The following MYT1 variants were observed in gnomAD, a reference collection of about 807,000 sequenced individuals.
MYT1 encodes the protein myelin transcription factor 1.
A neutral mutation model predicts 123.0 loss-of-function variants in MYT1; 23 were observed. The observed-to-expected ratio is 0.19, with a 90% CI of 0.13 to 0.26. The LOEUF (loss-of-function observed/expected upper bound fraction) is 0.26, where lower values mean the gene tolerates loss of function less well. Among genes scored for constraint, MYT1 ranks in the 10% least tolerant of loss-of-function variants. The pLI is 1.00. For missense variants in MYT1, 1,125 were observed against 1,472.5 expected, an observed-to-expected ratio of 0.76 and a Z score of 3.86; for synonymous variants, 518 against 575.3, an observed-to-expected ratio of 0.90 and a Z score of 1.43.
chr20:64,229,438 G>A (rs962803785), intron 18 of MYT1, among the ~76,000 whole-genome samples: 1 of 152,124 alleles, frequency 6.6e-6, no homozygotes, highest in Non-Finnish European at 1.5e-5. Flanking sequence ...GCTGTCAACT[G>A]AGCTTTAAAA....
At chr20:64,171,170 C>T (rs1982268518) in intron 1 of MYT1, among the ~76,000 whole-genome samples, 1 of 151,882 alleles carries the variant, frequency 6.6e-6, no homozygotes, top group Non-Finnish European at 1.5e-5. Flanking sequence ...CTGCCTGCCT[C>T]CGCCTCCCAA....
chr20:64,188,779 G>A (rs1016085858), intron 1 of MYT1, among the ~76,000 whole-genome samples: 1 of 152,196 alleles, frequency 6.6e-6, no homozygotes, highest in African/African-American at 2.4e-5. Flanking sequence ...TGGGTGATAG[G>A]GAAGCTCCCG....
chr20:64,171,895 C>A (rs1005502521), intron 1 of MYT1, among the ~76,000 whole-genome samples: 3 of 152,098 alleles, frequency 2.0e-5, no homozygotes, highest in African/African-American at 4.8e-5. Flanking sequence ...ACCCCCTACA[C>A]CTCTGGCATC....
At chr20:64,201,220 A>G (rs1345535971) in intron 4 of MYT1, among the ~76,000 whole-genome samples, 1 of 152,206 alleles carries the variant, frequency 6.6e-6, no homozygotes, top group Non-Finnish European at 1.5e-5. Context: ...GTAGCTTTGA[A>G]ACAGCAGAAG....
chr20:64,178,170 T>G (rs1430772821), intron 1 of MYT1, among the ~76,000 whole-genome samples: 1 of 152,224 alleles, frequency 6.6e-6, no homozygotes, highest in Non-Finnish European at 1.5e-5. Context: ...TTTTCAAAAA[T>G]ACATTTTGAA....
At chr20:64,223,027 A>C in intron 14 of MYT1, 84 bp from the exon 15 acceptor site, 2 of 1,506,896 alleles carry the variant, frequency 1.3e-6, no homozygotes, top group South Asian at 2.3e-5. Context: ...AGGAGTGGGC[A>C]CCAGTCTCCC....
rs1310198729 is a variant in MYT1 at position 64,166,879 on chromosome 20, G to A, written c.-99+2140G>A. On this transcript the variant is annotated intron_variant, in intron 1 of 22. Coordinates refer to ENST00000328439, the MANE Select transcript of MYT1 (RefSeq NM_004535.3). The surrounding 1 kb of genome is among the most constrained non-coding windows in gnomAD (Gnocchi z 4.9). ...GCAGAGGGTATGCGGCCACGGGGGTGCATGCTGGGCAGCTCTGGCAGCTGA... is the reference window on the plus strand; with the variant it reads ...GCAGAGGGTATGCGGCCACGGGGGTACATGCTGGGCAGCTCTGGCAGCTGA... Among the ~76,000 whole-genome samples the A allele has an allele frequency of 1.3e-5, 2 of 152,186 alleles. No individual in the cohort carries two copies. The highest frequency in any genetic ancestry group is 4.8e-5 in the African/African-American group (2 of 41,440).
At chr20:64,204,243 A>G (rs1983411688) in intron 4 of MYT1, among the ~76,000 whole-genome samples, 1 of 152,100 alleles carries the variant, frequency 6.6e-6, no homozygotes, top group African/African-American at 2.4e-5. Context: ...AAGTTTCCAG[A>G]GCTTCCTGCT....
chr20:64,166,034 C>G lies in MYT1; in HGVS notation c.-99+1295C>G, dbSNP rs1049745461. On this transcript the variant is annotated intron_variant, in intron 1 of 22. Coordinates refer to ENST00000328439, the MANE Select transcript of MYT1 (RefSeq NM_004535.3). This position sits in a 1 kb window ranked among gnomAD's most constrained non-coding sequence, Gnocchi z 4.9. ...CTGGGGAGTGGGGGTGCTGTATCCT[C>G]TACAGGGCTGACTGAGGGAGGCTCC... Among the ~76,000 whole-genome samples the G allele has an allele frequency of 6.6e-6, 1 of 152,156 alleles. No individual in the cohort carries two copies. Among genetic ancestry groups the G allele is most frequent in the Non-Finnish European group, 1.5e-5 (1 of 68,014 alleles).
chr20:64,228,045 ACTC>A (rs1472316835), intron 18 of MYT1, 74 bp downstream of exon 18: 1 of 1,404,346 alleles, frequency 7.1e-7, no homozygotes. Context: ...ATGTAAAAAA[ACTC>A]CTACTAGATT....
Position 64,185,258 on chromosome 20 carries a change from A to G in MYT1, c.-98-4805A>G, listed in dbSNP as rs1056106293. On this transcript the variant is annotated intron_variant, in intron 1 of 22. Coordinates refer to ENST00000328439, the MANE Select transcript of MYT1 (RefSeq NM_004535.3). The surrounding 1 kb of genome is among the most constrained non-coding windows in gnomAD (Gnocchi z 4.5). ...TTGACAGTGGGAAGGAGGTGGGTAT[A>G]AAGTCCAGATGGACAAGCTGGCTCA... 6.6e-6 allele frequency among the ~76,000 whole-genome samples: 1 copy of G among 152,204 alleles called. No homozygotes were observed. The highest frequency in any genetic ancestry group is 2.4e-5 in the African/African-American group (1 of 41,470).
chr20:64,228,410 CCA>C (rs1055988625), intron 18 of MYT1, among the ~76,000 whole-genome samples: 27 of 152,164 alleles, frequency 1.8e-4, no homozygotes, highest in Non-Finnish European at 4.4e-5. Context: ...GTCCATCCAC[CCA>C]CACACCTGTG....
rs1248469902 is a variant in MYT1, at chr20:64,184,253, C to T, written c.-98-5810C>T. 2.6e-5 allele frequency among the ~76,000 whole-genome samples: 4 copies of T among 152,094 alleles called. No homozygotes were observed. In the East Asian group the frequency reaches 7.7e-4, roughly 29 times the overall value. On this transcript the variant is annotated intron_variant, in intron 1 of 22. Transcript: ENST00000328439. ...TGAACCCAGAGTCGGAAAGATTTAC[C>T]GCGGTGTTTTCTAGGAGTTTTGGTT... is the stretch of plus-strand genomic sequence containing the variant.
At chr20:64,237,135 T>G (rs1396860110) in intron 20 of MYT1, 152 bp from the exon 21 acceptor site, 3 of 610,362 alleles carry the variant, frequency 4.9e-6, no homozygotes, top group Non-Finnish European at 5.8e-6. Context: ...ATGTGGGGTA[T>G]GAGCCCCAGA....
rs548307491 is a variant in MYT1 at position 64,212,159 on chromosome 20, C to T, written c.1517+21C>T. On this transcript the variant is annotated intron_variant, in intron 9 of 22. Coordinates refer to ENST00000328439, the MANE Select transcript of MYT1 (RefSeq NM_004535.3). This position sits in a 1 kb window ranked among gnomAD's most constrained non-coding sequence, Gnocchi z 6.8. The stretch of plus-strand genomic sequence containing the variant: ...AGAAGGTACTTGGACTGAGCTGGGC[C>T]GTAGTGGGGGCCAGGGTGGGGGCCG... 33 of 1,487,446 alleles carry T rather than the reference C, an allele frequency of 2.2e-5. 1 individual carries two copies. In the South Asian group the frequency reaches 2.5e-4, roughly 11 times the overall value. 92.1% of individuals were successfully genotyped at this position (1,487,446 alleles called of 1,614,324 possible).
intron 16 of MYT1, 105 bp from the exon 17 acceptor site, chr20:64,227,310 A>G (rs961557272): frequency 1.5e-5 from 15 of 1,003,348 alleles, no homozygotes; most frequent in Non-Finnish European, 1.2e-5. Flanking sequence ...GGGTGGGCGC[A>G]CTCAAGGGCT....
intron 3 of MYT1, among the ~76,000 whole-genome samples, chr20:64,199,574 C>T (rs890145670): frequency 1.3e-5 from 2 of 152,230 alleles, no homozygotes; most frequent in African/African-American, 4.8e-5. Flanking sequence ...GAGATACCAT[C>T]CCTGGCCCTG....
At position 64,202,019 on chromosome 20, in the gene MYT1, G is replaced by A. The variant is rs1241056484; in HGVS notation, c.86+2097G>A. On this transcript the variant is annotated intron_variant, in intron 4 of 22. Coordinates refer to ENST00000328439, the MANE Select transcript of MYT1 (RefSeq NM_004535.3). The surrounding 1 kb of genome is among the most constrained non-coding windows in gnomAD (Gnocchi z 5.0). The stretch of plus-strand genomic sequence containing the variant: ...AACCCCCGCGTGTCGGGAACCCCTC[G>A]CGTGTCGGGAACCCCCGCGTGTCGG... Among the ~76,000 whole-genome samples the A allele has an allele frequency of 7.2e-5, 6 of 83,286 alleles. No individual in the cohort carries two copies. The highest frequency in any genetic ancestry group is 2.0e-4 in the East Asian group (1 of 4,882). 54.6% of individuals were successfully genotyped at this position (83,286 alleles called of 152,430 possible).
At chr20:64,217,664 G>A (rs1277881688) in intron 11 of MYT1, among the ~76,000 whole-genome samples, 2 of 152,256 alleles carry the variant, frequency 1.3e-5, no homozygotes, top group East Asian at 3.8e-4. Context: ...TAATCCCAGT[G>A]CAGCCGGCTG....
Sources: allele counts gnomAD v4.1 joint callset (sites outside exome capture counted in the v4.1 genomes callset), GRCh38; gene constraint gnomAD v4.1.1; non-coding constraint Gnocchi (gnomAD v3.1); transcripts MANE v1.5; gene names NCBI Gene and HGNC (gene_info 2026-07-23, HGNC 2026-07-21).